The following SLC6A17 variants were observed in gnomAD, a reference collection of about 807,000 sequenced individuals.
SLC6A17 encodes the protein solute carrier family 6 member 17, also known as sodium-dependent neutral amino acid transporter SLC6A17.
Under a neutral mutation model 64.5 loss-of-function variants are expected in SLC6A17, and 21 were observed. The ratio of observed to expected loss-of-function variants is 0.33; its 90% CI spans 0.23 to 0.47. The LOEUF (loss-of-function observed/expected upper bound fraction) is 0.47, where lower values mean the gene tolerates loss of function less well. Ranked by LOEUF, SLC6A17 falls within the 20% of genes least tolerant of loss-of-function variation. SLC6A17 has a pLI of 1.00. For synonymous variants in SLC6A17, 372 were observed against 399.5 expected, an observed-to-expected ratio of 0.93 and a Z score of 0.82; for missense variants, 682 against 963.2, an observed-to-expected ratio of 0.71 and a Z score of 3.86.
chr1:110,151,208 G>T (rs1655591579), intron 1 of SLC6A17, among the ~76,000 whole-genome samples: 1 of 152,330 alleles, frequency 6.6e-6, no homozygotes, highest in African/African-American at 2.4e-5. Flanking sequence ...GGAGGCAAGC[G>T]CCCGCGGAGA....
chr1:110,168,350 A>G (rs1656129522), intron 2 of SLC6A17: 2 of 152,066 alleles, frequency 1.3e-5, no homozygotes, highest in African/African-American at 4.8e-5. Context: ...ATCTTTCCCT[A>G]GTTTAGAAGG....
intron 3 of SLC6A17, 149 bp from the exon 4 acceptor site, chr1:110,173,824 C>T (rs1423124357): frequency 8.8e-7 from 1 of 1,138,180 alleles, no homozygotes; most frequent in Non-Finnish European, 1.2e-6. Flanking sequence ...GGGAGCTCCT[C>T]CACGGCCCGC....
intron 2 of SLC6A17, among the ~76,000 whole-genome samples, chr1:110,171,710 G>A (rs1048044011): frequency 1.3e-5 from 2 of 152,096 alleles, no homozygotes; most frequent in African/African-American, 4.8e-5. Flanking sequence ...TGTCCACGGA[G>A]CGCCTCATGA....
In SLC6A17 at chr1:110,159,381, C is replaced by G. The variant is rs565442964; in HGVS notation, c.-87-7462C>G. ...GATCTGTTTGCACTGGCCACACCCACATTTTTCAGTGCCAGTTCCTCCCCC... is the reference window on the plus strand; with the variant it reads ...GATCTGTTTGCACTGGCCACACCCAGATTTTTCAGTGCCAGTTCCTCCCCC... On this transcript the variant is annotated intron_variant, in intron 1 of 11. Coordinates refer to ENST00000331565, the MANE Select transcript of SLC6A17 (RefSeq NM_001010898.4). Among the ~76,000 whole-genome samples, 13 of 152,380 alleles carry G rather than the reference C, an allele frequency of 8.5e-5. No individual in the cohort carries two copies. In the South Asian group the frequency reaches 2.3e-3, roughly 27 times the overall value.
chr1:110,192,501 T>C lies in SLC6A17; in HGVS notation c.1107-5T>C, dbSNP rs372017024. 1 of 1,611,058 alleles carries C rather than the reference T, an allele frequency of 6.2e-7. No homozygotes were observed. The highest frequency in any genetic ancestry group is 1.1e-5 in the South Asian group (1 of 90,444). The stretch of plus-strand genomic sequence containing the variant: ...TTACCTGGTCCTCTCGGTTTTGTGC[T>C]GCAGGAATGCTGAGAAAATCCTAGG... On this transcript the variant is annotated splice_polypyrimidine_tract_variant and splice_region_variant and intron_variant, in intron 7 of 11. Transcript: ENST00000331565. This position sits in a 1 kb window ranked among gnomAD's most constrained non-coding sequence, Gnocchi z 4.3.
chr1:110,171,320 T>C (rs1344741909), intron 2 of SLC6A17, among the ~76,000 whole-genome samples: 1 of 152,216 alleles, frequency 6.6e-6, no homozygotes, highest in African/African-American at 2.4e-5. Context: ...GACATGGTTT[T>C]AATTCTCCTG....
Position 110,198,753 on chromosome 1 carries a change from C to T in SLC6A17, c.*309C>T, listed in dbSNP as rs946887540. The T allele has an allele frequency of 6.9e-6, 2 of 290,486 alleles. No homozygotes were observed. The highest frequency in any genetic ancestry group is 4.3e-5 in the African/African-American group (2 of 46,318). The allele number at this position is 290,486 out of a possible 1,614,324, so 18.0% of individuals were successfully genotyped here. On this transcript the variant is annotated 3_prime_UTR_variant, in exon 12 of 12. Coordinates refer to ENST00000331565, the MANE Select transcript of SLC6A17 (RefSeq NM_001010898.4). ...CCTGCTTCCCAGTCCATGGGAGATTCCAAGTGGCCACTGCAGGAGTCACTC... is the reference window on the plus strand; with the variant it reads ...CCTGCTTCCCAGTCCATGGGAGATTTCAAGTGGCCACTGCAGGAGTCACTC...
intron 6 of SLC6A17, among the ~76,000 whole-genome samples, chr1:110,182,462 C>T (rs2484684): frequency 0.58 from 87,405 of 151,314 alleles, 25,361 homozygotes; most frequent in Admixed American, 0.64. Flanking sequence ...TTTGGGAGTG[C>T]GGGATAACAG....
intron 1 of SLC6A17, among the ~76,000 whole-genome samples, chr1:110,163,009 C>A (rs1012955639): frequency 7.3e-6 from 1 of 137,912 alleles, no homozygotes. Flanking sequence ...GATCACCAAC[C>A]CATGTTGGTA....
At position 110,180,172 on chromosome 1, in the gene SLC6A17, C is replaced by T. The variant is rs150309962; in HGVS notation, c.864+3433C>T. 7.0e-3 allele frequency among the ~76,000 whole-genome samples: 1,071 copies of T among 152,348 alleles called. 14 individuals carry two copies. The highest frequency in any genetic ancestry group is 0.024 in the African/African-American group (1,016 of 41,572). On this transcript the variant is annotated intron_variant, in intron 6 of 11. Coordinates refer to ENST00000331565, the MANE Select transcript of SLC6A17 (RefSeq NM_001010898.4). Reference sequence around the variant, plus strand: ...CAAGAAGCAGAGGCAAACCTGAACTCATGTCCACAGACTCCACATCCCATG... The same window carrying T: ...CAAGAAGCAGAGGCAAACCTGAACTTATGTCCACAGACTCCACATCCCATG...
At chr1:110,191,586 GCACCTGT>G in intron 6 of SLC6A17, among the ~76,000 whole-genome samples, 1 of 152,252 alleles carries the variant, frequency 6.6e-6, no homozygotes, top group South Asian at 2.1e-4. Context: ...ACTCTAGGAG[GCACCTGT>G]CACACTGTAG....
At chr1:110,169,800 G>A (rs1656168556) in intron 2 of SLC6A17, among the ~76,000 whole-genome samples, 1 of 152,222 alleles carries the variant, frequency 6.6e-6, no homozygotes, top group African/African-American at 2.4e-5. Context: ...ATTTTCTAAG[G>A]CGGAAGAGGA....
In SLC6A17 at chr1:110,198,082, G is replaced by T; in HGVS notation, c.1822G>T (p.Glu608Ter). The change falls in exon 12 of 12, where the codon GAG (glutamate) becomes TAG (stop). Residue 608 changes from glutamate (E) to a stop codon, truncating the protein, a stop_gained. Coordinates refer to ENST00000331565, the MANE Select transcript of SLC6A17 (RefSeq NM_001010898.4). LOFTEE classifies it high-confidence loss of function. ...YSAWIKEEAA[E>*]RYLYFPNWAM... ...TAAGGCAGCCCACCCGCAGGCTGCC[G>T]AGCGCTACCTGTATTTCCCCAACTG... 6.2e-7 allele frequency: 1 copy of T among 1,610,806 alleles called. No individual in the cohort carries two copies. The highest frequency in any genetic ancestry group is 1.1e-5 in the South Asian group (1 of 90,896).
rs746520004 is a variant in SLC6A17, at chr1:110,167,033, A to C, written c.104A>C (p.Gln35Pro). ...CTCGAGGAGCCTGTGGACTATAAGC[A>C]GAGTGTACTGAATGTGGCTGGTGAG... ...LALEEPVDYK[Q>P]SVLNVAGEAG... Residue 35 changes from glutamine (Q) to proline (P), a missense_variant, in exon 2 of 12, where the codon CAG becomes CCG. By Grantham distance (76) the Gln-to-Pro change is moderately conservative (BLOSUM62 -1). Around this residue, in one of 3 missense-constraint regions of SLC6A17, gnomAD observed 415 missense variants for 603.8 expected, o/e 0.69. Coordinates refer to ENST00000331565, the MANE Select transcript of SLC6A17 (RefSeq NM_001010898.4). The C allele has an allele frequency of 1.2e-6, 2 of 1,612,844 alleles. No individual in the cohort carries two copies. The highest frequency in any genetic ancestry group is 2.2e-5 in the South Asian group (2 of 90,840).
Position 110,174,784 on chromosome 1 carries a change from G to A in SLC6A17, c.577G>A (p.Glu193Lys). ...VVRNGSVAVV[E>K]AECEKSSATT... ...GACCTTTGCTGCTATTTCAGTGGTGGAGGCAGAGTGTGAAAAGAGCTCAGC... is the reference window on the plus strand; with the variant it reads ...GACCTTTGCTGCTATTTCAGTGGTGAAGGCAGAGTGTGAAAAGAGCTCAGC... Residue 193 changes from glutamate to lysine, a missense_variant, in exon 5 of 12, where the codon GAG becomes AAG. By Grantham distance (56) the Glu-to-Lys change is moderately conservative. This residue lies in a region of SLC6A17 where 415 missense variants were observed against 603.8 expected (regional missense o/e 0.69). Coordinates refer to ENST00000331565, the MANE Select transcript of SLC6A17 (RefSeq NM_001010898.4). 1.9e-6 allele frequency: 3 copies of A among 1,613,964 alleles called. No homozygotes were observed. Among genetic ancestry groups the A allele is most frequent in the Non-Finnish European group, 2.5e-6 (3 of 1,179,896 alleles).
chr1:110,162,262 G>T (rs1234538828), intron 1 of SLC6A17, among the ~76,000 whole-genome samples: 1 of 152,262 alleles, frequency 6.6e-6, no homozygotes, highest in Admixed American at 6.5e-5. Flanking sequence ...TGGGCTCTCA[G>T]CTGATGGAGG....
At chr1:110,185,128 ACT>A (rs1656649169) in intron 6 of SLC6A17, among the ~76,000 whole-genome samples, 1 of 152,000 alleles carries the variant, frequency 6.6e-6, no homozygotes, top group Admixed American at 6.5e-5. Context: ...TCTGGTTCAG[ACT>A]CTACCTCATC....
chr1:110,186,885 G>A (rs139966233), intron 6 of SLC6A17, among the ~76,000 whole-genome samples: 1 of 152,326 alleles, frequency 6.6e-6, no homozygotes, highest in African/African-American at 2.4e-5. Flanking sequence ...ATTCATGGTG[G>A]GTTTTGAGAA....
Position 110,166,922 on chromosome 1 carries a change from T to A in SLC6A17, c.-8T>A. 2 of 1,600,000 alleles carry A rather than the reference T, an allele frequency of 1.3e-6. No individual in the cohort carries two copies. Among genetic ancestry groups the A allele is most frequent in the Non-Finnish European group, 1.7e-6 (2 of 1,170,436 alleles). On this transcript the variant is annotated 5_prime_UTR_variant, in exon 2 of 12. Transcript: ENST00000331565. The stretch of plus-strand genomic sequence containing the variant: ...GGGGAGCAGGGCTACACGGCCCAGG[T>A]GGCATCAATGCCGAAGAACAGCAAA...
Sources: gnomAD v4.1 joint callset for allele counts (sites outside exome capture counted in the v4.1 genomes callset) on GRCh38, gnomAD v4.1.1 for gene constraint, gnomAD v4.1.1 regional missense constraint, Gnocchi (gnomAD v3.1) non-coding constraint, MANE v1.5 for transcripts, NCBI Gene and HGNC (gene_info 2026-07-23, HGNC 2026-07-21) for gene names.